The following LRRC4C variants were observed in gnomAD, a reference collection of about 807,000 sequenced individuals.
LRRC4C encodes the protein leucine-rich repeat-containing protein 4C.
A neutral mutation model predicts 33.6 loss-of-function variants in LRRC4C; 5 were observed. The observed-to-expected ratio is 0.15, with a 90% confidence interval of 0.08 to 0.31. The LOEUF is 0.31. Ranked by LOEUF, LRRC4C falls within the 10% of genes least tolerant of loss-of-function variation. The pLI is 1.00. For missense variants in LRRC4C, 560 were observed against 796.7 expected (o/e 0.70, Z 3.58); for synonymous variants, 329 against 302.0 (o/e 1.09, Z -0.93).
At chr11:40,311,622 G>A (rs1210474729) in intron 4 of LRRC4C, among the ~76,000 whole-genome samples, 1 of 152,076 alleles carries the variant, frequency 6.6e-6, no homozygotes, top group Non-Finnish European at 1.5e-5. Flanking sequence ...TTTCCAAAAG[G>A]TTGCCACTTG....
At chr11:40,590,615 A>G (rs1024616946) in intron 3 of LRRC4C, among the ~76,000 whole-genome samples, 1 of 151,642 alleles carries the variant, frequency 6.6e-6, no homozygotes, top group Admixed American at 6.6e-5. Flanking sequence ...GGTTTTATCT[A>G]CTTTTGGTCT....
chr11:41,281,861 C>A (rs1425424206), intron 1 of LRRC4C, among the ~76,000 whole-genome samples: 1 of 152,174 alleles, frequency 6.6e-6, no homozygotes, highest in African/African-American at 2.4e-5. Context: ...ATAAATACTA[C>A]CCCAAATGCA....
intron 2 of LRRC4C, among the ~76,000 whole-genome samples, chr11:40,932,024 C>G (rs1271475647): frequency 6.6e-6 from 1 of 151,962 alleles, no homozygotes; most frequent in Non-Finnish European, 1.5e-5. Context: ...GTCCTGACCT[C>G]AAGGGGCTGA....
intron 1 of LRRC4C, among the ~76,000 whole-genome samples, chr11:41,082,914 A>G (rs901230700): frequency 5.3e-5 from 8 of 152,140 alleles, no homozygotes; most frequent in Admixed American, 5.2e-4. Flanking sequence ...TGTTTGAACA[A>G]AAGATAAAAT....
intron 6 of LRRC4C, among the ~76,000 whole-genome samples, chr11:40,123,198 G>C (rs879839147): frequency 2.6e-5 from 4 of 152,030 alleles, no homozygotes; most frequent in Non-Finnish European, 5.9e-5. Flanking sequence ...GGGCATGGCT[G>C]TGCTCCAATA....
chr11:41,199,872 G>A (rs1460231983), intron 1 of LRRC4C, among the ~76,000 whole-genome samples: 1 of 152,080 alleles, frequency 6.6e-6, no homozygotes, highest in East Asian at 1.9e-4. Flanking sequence ...AAGTGATGGA[G>A]ACTTTTCAGA....
intron 3 of LRRC4C, among the ~76,000 whole-genome samples, chr11:40,371,613 A>C (rs1404562072): frequency 6.6e-6 from 1 of 152,216 alleles, no homozygotes; most frequent in African/African-American, 2.4e-5. Context: ...CGTGGGTTTA[A>C]TTAACTCTTA....
chr11:40,162,191 C>A (rs976408658), intron 5 of LRRC4C, among the ~76,000 whole-genome samples: 1 of 151,760 alleles, frequency 6.6e-6, no homozygotes, highest in African/African-American at 2.4e-5. Context: ...ACCGTTATAA[C>A]AAGCCAGACA....
chr11:41,394,084 C>T (rs1375740804), intron 1 of LRRC4C, among the ~76,000 whole-genome samples: 1 of 151,948 alleles, frequency 6.6e-6, no homozygotes, highest in African/African-American at 2.4e-5. Flanking sequence ...GTATGACCTA[C>T]ATTCAAAGTC....
At chr11:40,244,731 AG>A (rs1261891622) in intron 4 of LRRC4C, among the ~76,000 whole-genome samples, 3 of 151,838 alleles carry the variant, frequency 2.0e-5, no homozygotes, top group Non-Finnish European at 4.4e-5. Context: ...GCTAAGGGGA[AG>A]GTTTTTTTTT....
chr11:40,358,756 T>A (rs1947803121), intron 3 of LRRC4C, among the ~76,000 whole-genome samples: 1 of 152,152 alleles, frequency 6.6e-6, no homozygotes, highest in Non-Finnish European at 1.5e-5. Flanking sequence ...CATGCAAATA[T>A]TTCTCCTTCC....
intron 1 of LRRC4C, among the ~76,000 whole-genome samples, chr11:41,459,101 G>GT (rs1554937779): frequency 6.6e-6 from 1 of 151,994 alleles, no homozygotes; most frequent in African/African-American, 2.4e-5. Flanking sequence ...TCTGATTAAT[G>GT]TTTTTCCTCA....
At chr11:40,834,911 G>GACAGACAGACACACACACAC (rs748483585) in intron 2 of LRRC4C, among the ~76,000 whole-genome samples, 8,856 of 84,698 alleles carry the variant, frequency 0.1, 894 homozygotes, top group East Asian at 0.2. Context: ...CAGACAGACA[G>GACAGACAGACACACACACAC]ACACACACAC....
At chr11:40,988,699 C>T (rs11036174) in intron 1 of LRRC4C, among the ~76,000 whole-genome samples, 41,230 of 123,380 alleles carry the variant, frequency 0.33, 7,573 homozygotes, top group South Asian at 0.44. Flanking sequence ...ATTTGTTTTC[C>T]TTTCTTTTCT....
intron 3 of LRRC4C, among the ~76,000 whole-genome samples, chr11:40,481,363 G>A (rs2138407266): frequency 6.6e-6 from 1 of 152,116 alleles, no homozygotes; most frequent in African/African-American, 2.4e-5. Context: ...TCTGGCCAAT[G>A]GTCATGAATA....
At chr11:40,267,125 A>G (rs1590864197) in intron 4 of LRRC4C, among the ~76,000 whole-genome samples, 1 of 152,104 alleles carries the variant, frequency 6.6e-6, no homozygotes, top group Admixed American at 6.5e-5. Flanking sequence ...TCTTATCACT[A>G]GTTTTGTGTC....
intron 1 of LRRC4C, among the ~76,000 whole-genome samples, chr11:41,085,260 G>A (rs1472908017): frequency 6.6e-6 from 1 of 151,856 alleles, no homozygotes; most frequent in Non-Finnish European, 1.5e-5. Flanking sequence ...TTTGGAGCAG[G>A]AAAAAAAGTA....
intron 1 of LRRC4C, among the ~76,000 whole-genome samples, chr11:40,984,182 A>C (rs1259193166): frequency 6.6e-6 from 1 of 150,568 alleles, no homozygotes; most frequent in Non-Finnish European, 1.5e-5. Flanking sequence ...AAGGAAGGAA[A>C]GGAAGGAAGG....
intron 2 of LRRC4C, among the ~76,000 whole-genome samples, chr11:40,836,853 A>G (rs980009170): frequency 1.2e-4 from 19 of 152,144 alleles, no homozygotes; most frequent in African/African-American, 4.6e-4. Context: ...CATTATTGTT[A>G]TTATTACCTC....
Sources: gnomAD v4.1 joint callset for allele counts (sites outside exome capture counted in the v4.1 genomes callset) on GRCh38, gnomAD v4.1.1 for gene constraint, MANE v1.5 for transcripts, NCBI Gene and HGNC (gene_info 2026-07-23, HGNC 2026-07-21) for gene names.